The following WASF3 variants were observed in gnomAD, a reference collection of about 807,000 sequenced individuals.
WASF3 encodes WASP family member 3.
Under a neutral mutation model 46.6 loss-of-function variants are expected in WASF3, and 11 were observed. That is an observed-to-expected ratio of 0.24 (90% CI 0.15 to 0.39). WASF3 has a LOEUF of 0.39. Among genes scored for constraint, WASF3 ranks in the 10% least tolerant of loss-of-function variants. The pLI, the probability that WASF3 is intolerant of heterozygous loss-of-function variation, is 1.00. For synonymous variants in WASF3, 242 were observed against 259.7 expected, an observed-to-expected ratio of 0.93 and a Z score of 0.65; for missense variants, 576 against 669.8, an observed-to-expected ratio of 0.86 and a Z score of 1.55.
intron 7 of WASF3, chr13:26,680,338 A>G (rs1163068173): frequency 1.9e-6 from 2 of 1,060,808 alleles, no homozygotes; most frequent in African/African-American, 1.6e-5. Context: ...ACTAACGCCC[A>G]CGGCACTGCC....
At chr13:26,680,219 CT>C in intron 7 of WASF3, 3 of 1,541,584 alleles carry the variant, frequency 1.9e-6, no homozygotes, top group Non-Finnish European at 2.6e-6. Flanking sequence ...GTTTTGCTTT[CT>C]TTGGGTTCCC....
intron 7 of WASF3, chr13:26,680,213 T>C (rs1883184801): frequency 1.4e-5 from 22 of 1,545,872 alleles, no homozygotes; most frequent in Non-Finnish European, 1.9e-5. Context: ...TTTGTTGTTT[T>C]GCTTTCTTTG....
At chr13:26,642,810 T>A (rs964827679) in intron 3 of WASF3, among the ~76,000 whole-genome samples, 2 of 152,226 alleles carry the variant, frequency 1.3e-5, no homozygotes, top group African/African-American at 4.8e-5. Context: ...GTAATATGCC[T>A]GGCACATAGT....
chr13:26,610,173 C>G (rs1041248393), intron 1 of WASF3, among the ~76,000 whole-genome samples: 9 of 152,138 alleles, frequency 5.9e-5, no homozygotes, highest in African/African-American at 2.2e-4. Flanking sequence ...CTTCCGAGAC[C>G]TACGTCTGTC....
intron 1 of WASF3, among the ~76,000 whole-genome samples, chr13:26,606,357 TG>T (rs1880798827): frequency 6.7e-6 from 1 of 149,034 alleles, no homozygotes; most frequent in African/African-American, 2.5e-5. Context: ...TGTGTGTGTG[TG>T]TGTGTGTCTG....
chr13:26,682,688 A>G lies in WASF3; in HGVS notation c.1065A>G (p.Ala355=). 6.2e-7 allele frequency: 1 copy of G among 1,613,984 alleles called. No individual in the cohort carries two copies. The highest frequency in any genetic ancestry group is 8.5e-7 in the Non-Finnish European group (1 of 1,179,996). Residue 355 remains alanine, a synonymous_variant, in exon 9 of 10, where the codon GCA becomes GCG. Coordinates refer to ENST00000335327, the MANE Select transcript of WASF3 (RefSeq NM_006646.6). This position sits in a 1 kb window ranked among gnomAD's most constrained non-coding sequence, Gnocchi z 4.4. ...CACCTCCTCCTGTGATTCCCTCAGC[A>G]CAAACTGCCTTCGTCAGCCCTCTCC... ...PPPPPPVIPS[A]QTAFVSPLQM...
rs1883376095 is a variant in WASF3, at chr13:26,685,553, T to G, written c.1352-135T>G. On this transcript the variant is annotated intron_variant, in intron 9 of 9. Coordinates refer to ENST00000335327, the MANE Select transcript of WASF3 (RefSeq NM_006646.6). ...AAACTTTTAATATTCCCTGAGCTTT[T>G]CTCCCCTCAAATTTCTAAAACTTTC... 3.8e-6 allele frequency: 4 copies of G among 1,049,534 alleles called. No homozygotes were observed. In the Admixed American group the frequency reaches 1.1e-4, roughly 29 times the overall value. The allele number at this position is 1,049,534 out of a possible 1,614,324, so 65.0% of individuals were successfully genotyped here. A position where few individuals can be genotyped will look rare whatever the true frequency, so the allele number is the denominator to read the frequency against.
At chr13:26,632,172 T>C (rs1881671122) in intron 2 of WASF3, among the ~76,000 whole-genome samples, 1 of 152,182 alleles carries the variant, frequency 6.6e-6, no homozygotes, top group Non-Finnish European at 1.5e-5. Flanking sequence ...TTTGTTTCTC[T>C]TGCCTGATTG....
At chr13:26,554,092 C>CTTCCTTCT (rs1879038087), upstream of WASF3, among the ~76,000 whole-genome samples, 1 of 23,262 alleles carries the variant, frequency 4.3e-5, no homozygotes. Flanking sequence ...TCCTTCCTTC[C>CTTCCTTCT]TTCCTTCTTT....
intron 6 of WASF3, among the ~76,000 whole-genome samples, chr13:26,673,145 G>A (rs1488371275): frequency 6.6e-6 from 1 of 152,032 alleles, no homozygotes; most frequent in Non-Finnish European, 1.5e-5. Context: ...GAAAATGCTG[G>A]GGCTTACCTG....
chr13:26,565,561 T>C (rs1038622996), intron 1 of WASF3, among the ~76,000 whole-genome samples: 6 of 152,192 alleles, frequency 3.9e-5, no homozygotes, highest in African/African-American at 1.4e-4. Context: ...GTAGTATTTG[T>C]CATATATTGT....
intron 1 of WASF3, among the ~76,000 whole-genome samples, chr13:26,582,750 A>C (rs958747356): frequency 2.7e-5 from 4 of 150,834 alleles, no homozygotes; most frequent in African/African-American, 9.7e-5. Context: ...AAGAGAATGT[A>C]AATAATAAAG....
intron 1 of WASF3, among the ~76,000 whole-genome samples, chr13:26,571,359 C>T (rs1879627998): frequency 6.6e-6 from 1 of 152,082 alleles, no homozygotes; most frequent in South Asian, 2.1e-4. Context: ...TATTCTAGTA[C>T]TTGAGTAGTT....
At chr13:26,593,961 ATCTTCGTGTAT>A (rs1880379705) in intron 1 of WASF3, among the ~76,000 whole-genome samples, 1 of 152,222 alleles carries the variant, frequency 6.6e-6, no homozygotes, top group Non-Finnish European at 1.5e-5. Flanking sequence ...TGAAGGGAAC[ATCTTCGTGTAT>A]AAATCTTTGT....
At chr13:26,621,584 G>A (rs1566053729) in intron 2 of WASF3, among the ~76,000 whole-genome samples, 1 of 152,148 alleles carries the variant, frequency 6.6e-6, no homozygotes, top group African/African-American at 2.4e-5. Context: ...CTGCTTCACT[G>A]TACCTCTCTG....
chr13:26,681,264 C>T lies in WASF3; in HGVS notation c.927C>T (p.Pro309=). 6.2e-7 allele frequency: 1 copy of T among 1,613,434 alleles called. No individual in the cohort carries two copies. The change falls in exon 8 of 10, where the codon CCC becomes CCT. Residue 309 remains proline, a synonymous_variant. Coordinates refer to ENST00000335327, the MANE Select transcript of WASF3 (RefSeq NM_006646.6). ...CTCAGCAGCCGCCCCCCCCGCCTCC[C>T]CCTCAGGCCCCAGAGGGGTCCCAGG... The part of the protein sequence containing the change: ...NRPQQPPPPP[P]PQAPEGSQAS...
At chr13:26,680,382 G>A (rs573813049) in intron 7 of WASF3, among the ~76,000 whole-genome samples, 4 of 152,270 alleles carry the variant, frequency 2.6e-5, no homozygotes, top group African/African-American at 9.6e-5. Context: ...CTCTCCTCCT[G>A]AGGGCTTAGC....
intron 6 of WASF3, among the ~76,000 whole-genome samples, chr13:26,672,599 C>A (rs1465220780): frequency 6.6e-6 from 1 of 152,206 alleles, no homozygotes. Flanking sequence ...GAAAATTGTT[C>A]GTTTTGGGCC....
intron 1 of WASF3, among the ~76,000 whole-genome samples, chr13:26,573,773 A>G (rs1006752015): frequency 8.5e-5 from 13 of 152,232 alleles, no homozygotes; most frequent in Admixed American, 6.5e-4. Flanking sequence ...CCATGAAACC[A>G]GTACTCAGAC....
Sources: allele counts gnomAD v4.1 joint callset (sites outside exome capture counted in the v4.1 genomes callset), GRCh38; gene constraint gnomAD v4.1.1; non-coding constraint Gnocchi (gnomAD v3.1); transcripts MANE v1.5; gene names NCBI Gene and HGNC (gene_info 2026-07-23, HGNC 2026-07-21).